The following ANO10 variants were observed in gnomAD, a reference collection of about 807,000 sequenced individuals.
ANO10 encodes the protein anoctamin-10.
In ANO10, 77 loss-of-function variants were observed where a neutral mutation model predicts 74.7. The observed-to-expected ratio is 1.03, with a 90% CI of 0.86 to 1.25. ANO10 has a LOEUF of 1.25. ANO10 is among the 50% of genes most tolerant of loss of function. ANO10 has a pLI of 0.00. For missense variants in ANO10, 721 were observed against 778.1 expected, an observed-to-expected ratio of 0.93 and a Z score of 0.87; for synonymous variants, 279 against 284.9, an observed-to-expected ratio of 0.98 and a Z score of 0.21.
At chr3:43,603,359 C>A (rs753952922) in intron 2 of ANO10, among the ~76,000 whole-genome samples, 27 of 151,968 alleles carry the variant, frequency 1.8e-4, no homozygotes, top group Non-Finnish European at 3.2e-4. Context: ...CTTTAATTTT[C>A]TTATTATTTG....
At chr3:43,375,392 G>A (rs2125683211) in intron 12 of ANO10, among the ~76,000 whole-genome samples, 1 of 152,304 alleles carries the variant, frequency 6.6e-6, no homozygotes, top group Non-Finnish European at 1.5e-5. Context: ...AGGTGGCAGT[G>A]AGCCGAGAAT....
intron 12 of ANO10, among the ~76,000 whole-genome samples, chr3:43,374,834 G>A (rs2091741512): frequency 6.6e-6 from 1 of 152,172 alleles, no homozygotes; most frequent in African/African-American, 2.4e-5. Context: ...AAAACTTTAA[G>A]AACTGGCCGG....
intron 11 of ANO10, among the ~76,000 whole-genome samples, chr3:43,476,638 T>C (rs139801805): frequency 1.3e-5 from 2 of 152,230 alleles, no homozygotes; most frequent in Non-Finnish European, 2.9e-5. Flanking sequence ...TTCTCCTTAC[T>C]TTCCTTTTTC....
intron 11 of ANO10, among the ~76,000 whole-genome samples, chr3:43,463,154 G>A (rs1330287770): frequency 4.6e-5 from 7 of 152,164 alleles, no homozygotes; most frequent in Non-Finnish European, 8.8e-5. Flanking sequence ...TGTGAAAAGA[G>A]GGCCACTGTC....
chr3:43,665,689 C>T (rs1046318290), intron 1 of ANO10, among the ~76,000 whole-genome samples: 3 of 152,144 alleles, frequency 2.0e-5, no homozygotes, highest in Admixed American at 6.5e-5. Context: ...CTCAAGAACA[C>T]AATATGAGTA....
intron 7 of ANO10, among the ~76,000 whole-genome samples, 167 bp from the exon 8 acceptor site, chr3:43,565,894 G>C (rs1008616382): frequency 6.6e-6 from 1 of 152,150 alleles, no homozygotes; most frequent in African/African-American, 2.4e-5. Context: ...CGCAGAAGAC[G>C]GGTGATTTCT....
intron 11 of ANO10, among the ~76,000 whole-genome samples, chr3:43,547,870 G>GT (rs2079270222): frequency 6.6e-6 from 1 of 152,164 alleles, no homozygotes; most frequent in South Asian, 2.1e-4. Context: ...TCTAGAGAAA[G>GT]TGAGGGCAAA....
intron 11 of ANO10, among the ~76,000 whole-genome samples, chr3:43,523,895 G>A (rs140525753): frequency 6.6e-6 from 1 of 152,078 alleles, no homozygotes; most frequent in East Asian, 1.9e-4. Context: ...TGGAGTAGAT[G>A]AGCTCATCCA....
intron 12 of ANO10, chr3:43,372,719 C>A (rs1019671908): frequency 7.9e-5 from 64 of 812,206 alleles, no homozygotes; most frequent in Non-Finnish European, 1.2e-4. Context: ...CTTAAATGTT[C>A]TATCCTACCT....
chr3:43,488,818 G>T (rs1401093509), intron 11 of ANO10, among the ~76,000 whole-genome samples: 1 of 152,108 alleles, frequency 6.6e-6, no homozygotes, highest in Non-Finnish European at 1.5e-5. Context: ...TCCCATTACT[G>T]GGTATATACC....
intron 1 of ANO10, among the ~76,000 whole-genome samples, chr3:43,661,280 C>G (rs1053287817): frequency 1.3e-5 from 2 of 152,140 alleles, no homozygotes; most frequent in Non-Finnish European, 2.9e-5. Context: ...AATTTTCAAC[C>G]CAGGATTTCA....
Position 43,366,335 on chromosome 3 carries a change from G to C in ANO10, c.*571C>G, listed in dbSNP as rs1009831204. 4 of 171,172 alleles carry C rather than the reference G, an allele frequency of 2.3e-5. No homozygotes were observed. Among genetic ancestry groups the C allele is most frequent in the African/African-American group, 9.5e-5 (4 of 41,986 alleles). 10.6% of individuals were successfully genotyped at this position (171,172 alleles called of 1,614,324 possible). A position where few individuals can be genotyped will look rare whatever the true frequency, so the allele number is the denominator to read the frequency against. ...CATTGCGGTACCTATGTAGGCAGAA[G>C]GAGTCAGAGAGGTTGCCTTTAATAG... On this transcript the variant is annotated 3_prime_UTR_variant, in exon 13 of 13. Coordinates refer to ENST00000292246, the MANE Select transcript of ANO10 (RefSeq NM_018075.5).
chr3:43,636,077 G>A (rs560205044), intron 1 of ANO10, among the ~76,000 whole-genome samples: 3 of 152,128 alleles, frequency 2.0e-5, no homozygotes, highest in South Asian at 4.2e-4. Context: ...AGGTTTCCCC[G>A]GAAGCAGACC....
intron 12 of ANO10, among the ~76,000 whole-genome samples, chr3:43,404,975 T>C (rs368884046): frequency 6.6e-6 from 1 of 152,094 alleles, no homozygotes; most frequent in African/African-American, 2.4e-5. Flanking sequence ...TGCTACATTC[T>C]TGATGTATAC....
At chr3:43,526,252 T>G (rs1370815028) in intron 11 of ANO10, among the ~76,000 whole-genome samples, 1 of 152,230 alleles carries the variant, frequency 6.6e-6, no homozygotes, top group Admixed American at 6.5e-5. Flanking sequence ...CCACCAAATC[T>G]TTAAATATCT....
At chr3:43,648,417 G>C (rs897598294) in intron 1 of ANO10, among the ~76,000 whole-genome samples, 1 of 152,172 alleles carries the variant, frequency 6.6e-6, no homozygotes, top group African/African-American at 2.4e-5. Flanking sequence ...TAAGAAAGTA[G>C]AGGAATAAAA....
At chr3:43,580,987 T>C (rs556317699) in intron 4 of ANO10, among the ~76,000 whole-genome samples, 145 of 152,312 alleles carry the variant, frequency 9.5e-4, no homozygotes, top group Middle Eastern at 3.4e-3. Context: ...ACTAATCTTC[T>C]ATTTAAAAAT....
At chr3:43,450,228 G>A (rs972665236) in intron 11 of ANO10, among the ~76,000 whole-genome samples, 13 of 152,040 alleles carry the variant, frequency 8.6e-5, no homozygotes, top group Non-Finnish European at 1.9e-4. Context: ...TGAAAAATCT[G>A]AGCCCTGACG....
At chr3:43,691,302 C>A (rs2084375653) in intron 1 of ANO10, 2 of 336,480 alleles carry the variant, frequency 5.9e-6, no homozygotes, top group Middle Eastern at 7.6e-4. Context: ...CTTGACCCCG[C>A]GCGGAGGGTC....
Sources: allele counts gnomAD v4.1 joint callset (sites outside exome capture counted in the v4.1 genomes callset), GRCh38; gene constraint gnomAD v4.1.1; transcripts MANE v1.5; gene names NCBI Gene and HGNC (gene_info 2026-07-23, HGNC 2026-07-21).